SYT1: variants seen among roughly 807,000 people sequenced by gnomAD.
SYT1 encodes synaptotagmin-1.
SYT1 carries 8 observed loss-of-function variants against 44.8 expected under a neutral mutation model. The ratio of observed to expected loss-of-function variants is 0.18; its 90% CI spans 0.10 to 0.32. The LOEUF is 0.32. Among genes scored for constraint, SYT1 ranks in the 10% least tolerant of loss-of-function variants. The pLI is 1.00. For missense variants in SYT1, 286 were observed against 509.3 expected, an observed-to-expected ratio of 0.56 and a Z score of 4.22; for synonymous variants, 154 against 188.8, an observed-to-expected ratio of 0.82 and a Z score of 1.51.
chr12:79,254,529 T>G (rs1379278448), intron 4 of SYT1, among the ~76,000 whole-genome samples: 1 of 152,258 alleles, frequency 6.6e-6, no homozygotes, highest in African/African-American at 2.4e-5. Flanking sequence ...ACATCCTTTC[T>G]GAAGCCCATG....
At chr12:78,910,693 CAA>C (rs1876267730) in intron 1 of SYT1, among the ~76,000 whole-genome samples, 1 of 151,912 alleles carries the variant, frequency 6.6e-6, no homozygotes, top group Non-Finnish European at 1.5e-5. Context: ...CAAAAACACG[CAA>C]AGTTACAACT....
intron 2 of SYT1, among the ~76,000 whole-genome samples, chr12:79,018,124 G>T (rs1871929807): frequency 6.6e-6 from 1 of 151,774 alleles, no homozygotes; most frequent in Non-Finnish European, 1.5e-5. Context: ...ACTGGATTAA[G>T]AAAATGTGGC....
At chr12:78,983,969 A>T (rs1336475539) in intron 2 of SYT1, among the ~76,000 whole-genome samples, 1 of 151,982 alleles carries the variant, frequency 6.6e-6, no homozygotes, top group East Asian at 1.9e-4. Context: ...TCAATTAATG[A>T]TACTGTCCTT....
At chr12:79,024,056 G>A (rs1872365048) in intron 2 of SYT1, among the ~76,000 whole-genome samples, 1 of 151,696 alleles carries the variant, frequency 6.6e-6, no homozygotes, top group Non-Finnish European at 1.5e-5. Context: ...CTAACCTCAC[G>A]GAGGGAGAGA....
chr12:79,166,000 C>G (rs927766233), intron 3 of SYT1, among the ~76,000 whole-genome samples: 1 of 151,896 alleles, frequency 6.6e-6, no homozygotes, highest in East Asian at 1.9e-4. Flanking sequence ...AATCATTATC[C>G]TTTATTTTCA....
intron 8 of SYT1, among the ~76,000 whole-genome samples, chr12:79,344,550 C>A (rs1882522613): frequency 6.6e-6 from 1 of 152,058 alleles, no homozygotes; most frequent in African/African-American, 2.4e-5. Context: ...CCTCTTGGGC[C>A]CAAGTAATCC....
At chr12:78,878,455 A>T (rs1874288496) in intron 1 of SYT1, among the ~76,000 whole-genome samples, 1 of 151,794 alleles carries the variant, frequency 6.6e-6, no homozygotes, top group Non-Finnish European at 1.5e-5. Flanking sequence ...AAAATTAGAC[A>T]TATGAGTAAC....
intron 2 of SYT1, among the ~76,000 whole-genome samples, chr12:79,022,587 A>G (rs902028352): frequency 1.7e-4 from 26 of 151,800 alleles, no homozygotes; most frequent in African/African-American, 5.8e-4. Context: ...CATGCTTCTT[A>G]TTATTTGTTT....
At chr12:79,307,365 A>T (rs1203570778) in intron 8 of SYT1, among the ~76,000 whole-genome samples, 2 of 152,178 alleles carry the variant, frequency 1.3e-5, no homozygotes, top group African/African-American at 4.8e-5. Flanking sequence ...AAATACTGTA[A>T]ATTAATTTTA....
chr12:79,018,355 AG>A (rs1449283211), intron 2 of SYT1, among the ~76,000 whole-genome samples: 1 of 96,422 alleles, frequency 1.0e-5, no homozygotes, highest in African/African-American at 4.0e-5. Context: ...GGGGTAGGGG[AG>A]GGGGGAGGGA....
At chr12:79,403,763 CAT>C (rs1358477407) in intron 9 of SYT1, among the ~76,000 whole-genome samples, 3 of 152,142 alleles carry the variant, frequency 2.0e-5, no homozygotes, top group African/African-American at 7.2e-5. Flanking sequence ...GTATCAGTAT[CAT>C]GTGAGAATTG....
chr12:79,086,597 T>C (rs761276690), intron 3 of SYT1, among the ~76,000 whole-genome samples: 3 of 152,200 alleles, frequency 2.0e-5, no homozygotes, highest in Non-Finnish European at 2.9e-5. Flanking sequence ...AGCATCATGG[T>C]TACTGCCTTG....
intron 9 of SYT1, among the ~76,000 whole-genome samples, chr12:79,424,165 C>G (rs1363290651): frequency 6.6e-6 from 1 of 152,012 alleles, no homozygotes; most frequent in Admixed American, 6.6e-5. Flanking sequence ...TACCATGCCT[C>G]TAATGCAATT....
intron 8 of SYT1, among the ~76,000 whole-genome samples, chr12:79,338,096 G>C (rs1050626751): frequency 6.6e-6 from 1 of 151,946 alleles, no homozygotes; most frequent in Non-Finnish European, 1.5e-5. Context: ...TTTCCACTTC[G>C]CATGTCCTTA....
chr12:79,076,858 A>G (rs947651886), intron 3 of SYT1, among the ~76,000 whole-genome samples: 3 of 152,186 alleles, frequency 2.0e-5, no homozygotes, highest in Admixed American at 6.5e-5. Context: ...AGTCCCAGCT[A>G]TGCGAGAGGC....
chr12:79,320,666 T>C (rs566678730), intron 8 of SYT1, among the ~76,000 whole-genome samples: 151 of 148,794 alleles, frequency 1.0e-3, no homozygotes, highest in Admixed American at 3.1e-3. Flanking sequence ...TTTTTTTTTT[T>C]TTTGAGACAG....
chr12:79,244,504 G>A (rs1252345810), intron 4 of SYT1, among the ~76,000 whole-genome samples: 9 of 152,028 alleles, frequency 5.9e-5, no homozygotes, highest in African/African-American at 4.8e-5. Context: ...TCAGGAGTTC[G>A]AGACCAGCCT....
intron 3 of SYT1, among the ~76,000 whole-genome samples, chr12:79,189,822 T>G (rs999315037): frequency 6.6e-6 from 1 of 152,170 alleles, no homozygotes; most frequent in African/African-American, 2.4e-5. Flanking sequence ...GAGAATCACT[T>G]GAACCCAGGA....
intron 3 of SYT1, among the ~76,000 whole-genome samples, chr12:79,057,543 A>G (rs946561631): frequency 4.6e-5 from 7 of 152,074 alleles, no homozygotes; most frequent in African/African-American, 1.4e-4. Flanking sequence ...ACAATTTGCT[A>G]TAACATCTCC....
Sources: allele counts gnomAD v4.1 joint callset (sites outside exome capture counted in the v4.1 genomes callset), GRCh38; gene constraint gnomAD v4.1.1; transcripts MANE v1.5; gene names NCBI Gene and HGNC (gene_info 2026-07-23, HGNC 2026-07-21).